SYT1: variants seen among roughly 807,000 people sequenced by gnomAD.
The protein encoded by SYT1 is synaptotagmin-1.
Under a neutral mutation model 44.8 loss-of-function variants are expected in SYT1, and 8 were observed. The ratio of observed to expected loss-of-function variants is 0.18; its 90% CI spans 0.10 to 0.32. SYT1 has a LOEUF of 0.32. Among genes scored for constraint, SYT1 ranks in the 10% least tolerant of loss-of-function variants. SYT1 has a pLI of 1.00. For missense variants in SYT1, 286 were observed against 509.3 expected (o/e 0.56, Z 4.22); for synonymous variants, 154 against 188.8 (o/e 0.82, Z 1.51).
intron 9 of SYT1, among the ~76,000 whole-genome samples, chr12:79,426,483 A>G (rs1010677167): frequency 1.3e-4 from 20 of 152,226 alleles, no homozygotes; most frequent in Non-Finnish European, 2.8e-4. Context: ...ATGATGTGGA[A>G]TAACTTTTCT....
At chr12:79,319,412 A>G (rs1017071668) in intron 8 of SYT1, among the ~76,000 whole-genome samples, 2 of 152,190 alleles carry the variant, frequency 1.3e-5, no homozygotes, top group African/African-American at 2.4e-5. Context: ...CACGTGGCCA[A>G]GTAGCTAATA....
chr12:79,194,458 T>TATC (rs1208200479), intron 3 of SYT1, among the ~76,000 whole-genome samples: 3 of 151,190 alleles, frequency 2.0e-5, no homozygotes, highest in Admixed American at 2.0e-4. Context: ...ATTTTGTTAT[T>TATC]ATTATTATTA....
intron 8 of SYT1, among the ~76,000 whole-genome samples, chr12:79,345,922 A>G (rs1198581810): frequency 1.3e-5 from 2 of 152,192 alleles, no homozygotes; most frequent in African/African-American, 2.4e-5. Flanking sequence ...CAAGACTCCC[A>G]ACCTCAGAGA....
At chr12:79,187,600 A>G (rs1872876643) in intron 3 of SYT1, among the ~76,000 whole-genome samples, 1 of 152,114 alleles carries the variant, frequency 6.6e-6, no homozygotes, top group Admixed American at 6.6e-5. Flanking sequence ...ATATTCATGT[A>G]TCACCTCACG....
chr12:79,030,912 C>T (rs1037950958), intron 2 of SYT1, among the ~76,000 whole-genome samples: 1 of 150,884 alleles, frequency 6.6e-6, no homozygotes, highest in Non-Finnish European at 1.5e-5. Context: ...GTTGAGTTCT[C>T]CTCAGAGATA....
rs547860183 is a variant in SYT1 at position 79,037,587 on chromosome 12, T to C, written c.-83-9710T>C. 2.0e-5 allele frequency among the ~76,000 whole-genome samples: 3 copies of C among 151,904 alleles called. No individual in the cohort carries two copies. The South Asian group carries it at 6.2e-4, about 32-fold the overall frequency. ...AGCGGGCTTGTAGACTTATGCCTCT[T>C]ACATGGTTGTCAATGGTTAGACAAC... On this transcript the variant is annotated intron_variant, in intron 2 of 10. Transcript: ENST00000261205.
At chr12:79,056,905 A>C (rs1874989881) in intron 3 of SYT1, among the ~76,000 whole-genome samples, 1 of 151,936 alleles carries the variant, frequency 6.6e-6, no homozygotes, top group Admixed American at 6.6e-5. Flanking sequence ...TTTCATATTC[A>C]CCATTTTAAG....
At chr12:79,018,498 T>TA (rs972969215) in intron 2 of SYT1, among the ~76,000 whole-genome samples, 9 of 151,964 alleles carry the variant, frequency 5.9e-5, no homozygotes, top group Admixed American at 5.3e-4. Context: ...ATAATAATAA[T>TA]AAAAAATTGT....
intron 1 of SYT1, among the ~76,000 whole-genome samples, chr12:78,947,433 C>T (rs1191044129): frequency 5.9e-5 from 9 of 151,420 alleles, no homozygotes; most frequent in Middle Eastern, 3.4e-3. Flanking sequence ...CCAAACCAAA[C>T]CATTTGAGCA....
chr12:79,156,511 A>T (rs1870606913), intron 3 of SYT1, among the ~76,000 whole-genome samples: 3 of 152,014 alleles, frequency 2.0e-5, no homozygotes, highest in Admixed American at 2.0e-4. Flanking sequence ...TCTGTCTCCC[A>T]GGCTGGAGTG....
At position 78,945,330 on chromosome 12, in the gene SYT1, T is replaced by A. The variant is rs374642417; in HGVS notation, c.-216-32469T>A. Among the ~76,000 whole-genome samples the A allele has an allele frequency of 1.1e-4, 16 of 152,172 alleles. 1 individual carries two copies. The highest frequency in any genetic ancestry group is 5.8e-4 in the East Asian group (3 of 5,184). On this transcript the variant is annotated intron_variant, in intron 1 of 10. Transcript: ENST00000261205. ...ATTTTTAGCCTAAGATATTCTTTCA[T>A]GTATGATTTTCTTTGTAGGAACTTA... is the stretch of plus-strand genomic sequence containing the variant.
chr12:79,145,225 G>A (rs1257128587), intron 3 of SYT1, among the ~76,000 whole-genome samples: 1 of 151,988 alleles, frequency 6.6e-6, no homozygotes, highest in Non-Finnish European at 1.5e-5. Flanking sequence ...TACTATACAT[G>A]CTTAATAATA....
intron 5 of SYT1, among the ~76,000 whole-genome samples, chr12:79,290,665 C>T (rs529230558): frequency 2.6e-5 from 4 of 152,256 alleles, no homozygotes; most frequent in African/African-American, 9.6e-5. Flanking sequence ...TGAGATTCTA[C>T]AGTAATACAT....
chr12:79,092,924 C>T (rs113828250), intron 3 of SYT1, among the ~76,000 whole-genome samples: 96 of 151,668 alleles, frequency 6.3e-4, no homozygotes, highest in African/African-American at 2.0e-3. Flanking sequence ...TGGCACACAA[C>T]GCTTTAACAT....
At chr12:79,298,180 A>G (rs983548014) in intron 7 of SYT1, among the ~76,000 whole-genome samples, 1 of 152,100 alleles carries the variant, frequency 6.6e-6, no homozygotes, top group Non-Finnish European at 1.5e-5. Flanking sequence ...GAGATTTTAG[A>G]TATACAATAA....
chr12:79,355,149 C>T lies in SYT1; in HGVS notation c.928+1530C>T, dbSNP rs548510703. Among the ~76,000 whole-genome samples the T allele has an allele frequency of 3.5e-4, 53 of 152,242 alleles. 2 individuals are homozygous for T. In the South Asian group the frequency reaches 0.011, roughly 32 times the overall value. The stretch of plus-strand genomic sequence containing the variant: ...CTAGGACTTCTCCACCGTCTGTCCC[C>T]TTCTCGTTCAGTGGCATCAGAGAGG... On this transcript the variant is annotated intron_variant, in intron 9 of 10. Transcript: ENST00000261205.
At chr12:79,268,867 A>C (rs570864679) in intron 4 of SYT1, among the ~76,000 whole-genome samples, 22 of 152,324 alleles carry the variant, frequency 1.4e-4, no homozygotes, top group Admixed American at 9.1e-4. Flanking sequence ...TCTGTTTAAC[A>C]GAGTAATCAC....
chr12:79,365,829 T>A (rs1331830118), intron 9 of SYT1, among the ~76,000 whole-genome samples: 6 of 52,068 alleles, frequency 1.2e-4, no homozygotes, highest in East Asian at 7.8e-4. Flanking sequence ...TTGCAAAGAG[T>A]ACCAGAAAAA....
At chr12:79,328,127 G>A (rs532185355) in intron 8 of SYT1, among the ~76,000 whole-genome samples, 1 of 152,238 alleles carries the variant, frequency 6.6e-6, no homozygotes, top group East Asian at 1.9e-4. Flanking sequence ...CCTCCATTTA[G>A]GAGTCCATGA....
Sources: gnomAD v4.1 joint callset for allele counts (sites outside exome capture counted in the v4.1 genomes callset) on GRCh38, gnomAD v4.1.1 for gene constraint, MANE v1.5 for transcripts, NCBI Gene and HGNC (gene_info 2026-07-23, HGNC 2026-07-21) for gene names.